The following SCARA5 variants were observed in gnomAD, a reference collection of about 807,000 sequenced individuals.
SCARA5 encodes scavenger receptor class A, member 5 (putative).
In SCARA5, 45 loss-of-function variants were observed where a neutral mutation model predicts 46.3. That is an observed-to-expected ratio of 0.97 (90% confidence interval 0.76 to 1.24). The LOEUF (loss-of-function observed/expected upper bound fraction) is 1.24, where lower values mean the gene tolerates loss of function less well. SCARA5 is among the 50% of genes most tolerant of loss of function. SCARA5 has a pLI of 0.00. For synonymous variants in SCARA5, 333 were observed against 306.5 expected (o/e 1.09, Z -0.90); for missense variants, 680 against 689.0 (o/e 0.99, Z 0.15).
chr8:27,895,002 A>AATT (rs1202845857), intron 7 of SCARA5, among the ~76,000 whole-genome samples: 4 of 152,252 alleles, frequency 2.6e-5, no homozygotes, highest in Admixed American at 6.5e-5. Context: ...GAAGGGACCT[A>AATT]AAGTCCAGGG....
intron 7 of SCARA5, among the ~76,000 whole-genome samples, chr8:27,900,273 T>A (rs1407354649): frequency 6.6e-6 from 1 of 152,174 alleles, no homozygotes; most frequent in African/African-American, 2.4e-5. Flanking sequence ...TACAGCAAAG[T>A]CTAGGCACAG....
At chr8:27,912,210 CAATA>C (rs1807388799) in intron 4 of SCARA5, among the ~76,000 whole-genome samples, 1 of 152,100 alleles carries the variant, frequency 6.6e-6, no homozygotes. Flanking sequence ...ACGTCTTGCA[CAATA>C]AATATTTGAT....
At chr8:27,957,964 C>T (rs62496810) in intron 3 of SCARA5, among the ~76,000 whole-genome samples, 4,101 of 152,168 alleles carry the variant, frequency 0.027, 79 homozygotes, top group Non-Finnish European at 0.038. Context: ...TATTGCAGCA[C>T]GAAAGCAGCC....
rs1460820558 is a variant in SCARA5, at chr8:27,879,741, GATC to G, written c.1176_1178del (p.Met392del). The G allele has an allele frequency of 1.2e-6, 2 of 1,612,926 alleles. No individual in the cohort carries two copies. Among genetic ancestry groups the G allele is most frequent in the African/African-American group, 2.7e-5 (2 of 74,894 alleles). On this transcript the variant is annotated inframe_deletion, in exon 8 of 9. Transcript: ENST00000354914. Reference sequence around the variant, plus strand: ...GCGGACCTGAGCCATTCACCAGGCGGATCATCATCGGGGCCTCCACGCCACCTG... The same window carrying G: ...GCGGACCTGAGCCATTCACCAGGCGGATCATCGGGGCCTCCACGCCACCTG...
chr8:27,991,531 C>A (rs1371831370), intron 1 of SCARA5, among the ~76,000 whole-genome samples: 1 of 152,192 alleles, frequency 6.6e-6, no homozygotes, highest in East Asian at 1.9e-4. Flanking sequence ...ATTAATTCCT[C>A]CTCTGAGTGG....
chr8:27,905,420 C>A (rs1230373647), intron 6 of SCARA5, among the ~76,000 whole-genome samples: 1 of 151,128 alleles, frequency 6.6e-6, no homozygotes, highest in Non-Finnish European at 1.5e-5. Context: ...TTCCAAGGAC[C>A]CCCAGAAAGA....
At chr8:27,946,606 A>G (rs1398505553) in intron 3 of SCARA5, among the ~76,000 whole-genome samples, 1 of 152,222 alleles carries the variant, frequency 6.6e-6, no homozygotes, top group Non-Finnish European at 1.5e-5. Flanking sequence ...CAGCCTCAGC[A>G]AACTAATACA....
At chr8:27,898,716 G>T (rs1311629127) in intron 7 of SCARA5, among the ~76,000 whole-genome samples, 1 of 152,214 alleles carries the variant, frequency 6.6e-6, no homozygotes, top group East Asian at 1.9e-4. Context: ...ATGAGGTGCT[G>T]ATTGTCAGGG....
intron 8 of SCARA5, among the ~76,000 whole-genome samples, chr8:27,873,941 G>A (rs1051357038): frequency 5.3e-5 from 8 of 152,138 alleles, no homozygotes; most frequent in African/African-American, 1.9e-4. Context: ...TCTCAGCTAC[G>A]CAGGAGGCTG....
rs144902692 is a variant in SCARA5, at chr8:27,917,937, C to T, written c.916+3634G>A. Among the ~76,000 whole-genome samples the T allele has an allele frequency of 1.1e-4, 16 of 152,288 alleles. No individual in the cohort carries two copies. In the East Asian group the frequency reaches 3.1e-3, roughly 29 times the overall value. On this transcript the variant is annotated intron_variant, in intron 4 of 8. Transcript: ENST00000354914. ...TCTGGGATGTGAAGGCCCAAAGTGA[C>T]CCAGGACCAGGAACCCAAACTGGGT...
At chr8:27,943,016 C>T (rs1294948625) in intron 3 of SCARA5, among the ~76,000 whole-genome samples, 4 of 152,202 alleles carry the variant, frequency 2.6e-5, no homozygotes. Flanking sequence ...AGGTGACCTG[C>T]ACCCTCTGTG....
At chr8:27,886,772 G>T (rs1223627322) in intron 7 of SCARA5, among the ~76,000 whole-genome samples, 1 of 152,192 alleles carries the variant, frequency 6.6e-6, no homozygotes, top group Non-Finnish European at 1.5e-5. Context: ...CCAGGTCAAA[G>T]CTTTCCCACC....
At chr8:27,982,540 C>T (rs1226299236) in intron 2 of SCARA5, among the ~76,000 whole-genome samples, 2 of 152,152 alleles carry the variant, frequency 1.3e-5, no homozygotes, top group Non-Finnish European at 1.5e-5. Flanking sequence ...GCAGTTCCAG[C>T]CCCACAGGAG....
chr8:27,930,313 C>T (rs576555078), intron 3 of SCARA5, among the ~76,000 whole-genome samples: 39 of 152,216 alleles, frequency 2.6e-4, no homozygotes, highest in African/African-American at 9.1e-4. Flanking sequence ...TGCACAACTT[C>T]TCTTGTCTGC....
In SCARA5 at chr8:27,922,072, A is replaced by T; in HGVS notation, c.415T>A (p.Leu139Met). 1 of 1,595,768 alleles carries T rather than the reference A, an allele frequency of 6.3e-7. No homozygotes were observed. Among genetic ancestry groups the T allele is most frequent in the Non-Finnish European group, 8.5e-7 (1 of 1,173,484 alleles). ...QDALQNQSDS[L>M]LALAGAVQRL... ...TGCACTGCGCCCGCCAGCGCCAGCA[A>T]CGAGTCTGACTGGTTCTGCAGCGCG... Residue 139 changes from leucine (L) to methionine (M), a missense_variant, in exon 4 of 9, where the codon TTG (leucine) becomes ATG (methionine). Physicochemically the swap from Leu to Met is conservative, Grantham distance 15. Around this residue, in one of 3 missense-constraint regions of SCARA5, gnomAD observed 438 missense variants for 384.5 expected, o/e 1.14. Transcript: ENST00000354914.
intron 3 of SCARA5, among the ~76,000 whole-genome samples, chr8:27,948,466 A>T (rs368594006): frequency 6.6e-6 from 1 of 152,234 alleles, no homozygotes; most frequent in East Asian, 1.9e-4. Flanking sequence ...TCTTCCATCA[A>T]ATACAAAGGC....
chr8:27,958,549 G>A (rs1415389805), intron 3 of SCARA5, among the ~76,000 whole-genome samples: 6 of 152,216 alleles, frequency 3.9e-5, no homozygotes, highest in African/African-American at 7.2e-5. Context: ...GGAACTGCAC[G>A]CGTGGCAGCA....
At chr8:27,908,051 G>C (rs1397836511) in intron 5 of SCARA5, among the ~76,000 whole-genome samples, 1 of 151,580 alleles carries the variant, frequency 6.6e-6, no homozygotes, top group East Asian at 1.9e-4. Flanking sequence ...ACACAGCAGT[G>C]TTGGAGGCAG....
intron 7 of SCARA5, among the ~76,000 whole-genome samples, chr8:27,888,143 G>A (rs1472592490): frequency 6.6e-6 from 1 of 151,992 alleles, no homozygotes; most frequent in East Asian, 1.9e-4. Flanking sequence ...TACAACCTCT[G>A]TCCCCCAGGC....
Sources: allele counts gnomAD v4.1 joint callset (sites outside exome capture counted in the v4.1 genomes callset), GRCh38; gene constraint gnomAD v4.1.1; regional missense constraint gnomAD v4.1.1; transcripts MANE v1.5; gene names NCBI Gene and HGNC (gene_info 2026-07-23, HGNC 2026-07-21).